CACTIN: variants seen among roughly 807,000 people sequenced by gnomAD.
CACTIN encodes the protein splicing factor Cactin.
CACTIN carries 20 observed loss-of-function variants against 84.9 expected under a neutral mutation model. That is an observed-to-expected ratio of 0.24 (90% CI 0.17 to 0.34). The LOEUF (loss-of-function observed/expected upper bound fraction) is 0.34. Ranked by LOEUF, CACTIN falls within the 10% of genes least tolerant of loss-of-function variation. The pLI, the probability that CACTIN is intolerant of heterozygous loss-of-function variation, is 1.00. For missense variants in CACTIN, 897 were observed against 1,117.2 expected, an observed-to-expected ratio of 0.80 and a Z score of 2.81; for synonymous variants, 549 against 467.9, an observed-to-expected ratio of 1.17 and a Z score of -2.24.
chr19:3,612,732 G>C (rs1424429155), intron 9 of CACTIN: 1 of 695,804 alleles, frequency 1.4e-6, no homozygotes, highest in Non-Finnish European at 2.6e-6. Context: ...TGACCCCCGA[G>C]GGGGTCCTGG....
At position 3,619,121 on chromosome 19, in the gene CACTIN, G is replaced by T; in HGVS notation, c.1006C>A (p.Leu336Ile). The T allele has an allele frequency of 6.3e-7, 1 of 1,591,008 alleles. No individual in the cohort carries two copies. Among genetic ancestry groups the T allele is most frequent in the East Asian group, 2.3e-5 (1 of 43,486 alleles). ...MHEPYTFLNGLTVADMEDLLE... is the reference protein window; with the variant it reads ...MHEPYTFLNGITVADMEDLLE... ...AGGTCCTCCATGTCGGCCACGGTGA[G>T]GCCGTTGAGGAACGTGTAGGGCTCA... Residue 336 changes from leucine (L) to isoleucine (I), a missense_variant, in exon 5 of 10, where the codon CTC becomes ATC. Transcript: ENST00000429344.
rs1333018876 is a variant in CACTIN at position 3,611,130 on chromosome 19, C to T, written c.*793G>A. 2.6e-6 allele frequency: 1 copy of T among 381,336 alleles called. No homozygotes were observed. Among genetic ancestry groups the T allele is most frequent in the East Asian group, 7.2e-5 (1 of 13,802 alleles). 23.6% of individuals were successfully genotyped at this position (381,336 alleles called of 1,614,324 possible). The stretch of plus-strand genomic sequence containing the variant: ...CCCCCAGCCTTCGGGGAGCCCCTGC[C>T]CTCCAGGCCCTGTGCTCAGAGGTGG... On this transcript the variant is annotated 3_prime_UTR_variant, in exon 10 of 10. Transcript: ENST00000429344.
At position 3,613,089 on chromosome 19, in the gene CACTIN, C is replaced by T. The variant is rs2033007349; in HGVS notation, c.1755G>A (p.Leu585=). ...CCTGGAGCTGCTGGCGCGAGAGCTG[C>T]AGGCGCTGCAGGTCCTCATCCGGTT... is the stretch of plus-strand genomic sequence containing the variant. The part of the protein sequence containing the change: ...VLEPDEDLQR[L]QLSRQQLQVT... Residue 585 remains leucine (L), a synonymous_variant, in exon 9 of 10, where the codon CTG becomes CTA. Transcript: ENST00000429344. 2 of 1,588,152 alleles carry T rather than the reference C, an allele frequency of 1.3e-6. No homozygotes were observed.
rs1268779856 is a variant in CACTIN at position 3,611,180 on chromosome 19, G to A, written c.*743C>T. ...GGGGGAGGACGGCTCAGTGACTTTT[G>A]GTTCCCACGACCTTGACAGAGACAG... On this transcript the variant is annotated 3_prime_UTR_variant, in exon 10 of 10. Coordinates refer to ENST00000429344, the MANE Select transcript of CACTIN (RefSeq NM_001080543.2). The A allele has an allele frequency of 2.5e-6, 1 of 403,832 alleles. No homozygotes were observed. The highest frequency in any genetic ancestry group is 3.0e-5 in the Admixed American group (1 of 33,692). 25.0% of individuals were successfully genotyped at this position (403,832 alleles called of 1,614,324 possible). A position where few individuals can be genotyped will look rare whatever the true frequency, so the allele number is the denominator to read the frequency against.
At chr19:3,620,303 G>T (rs898177833) in intron 3 of CACTIN, 31 bp from the exon 4 acceptor site, 3 of 1,543,468 alleles carry the variant, frequency 1.9e-6, no homozygotes, top group South Asian at 1.2e-5. Context: ...GGGCAGCGGG[G>T]ACCGTGCGGT....
chr19:3,615,358 GTGC>G lies in CACTIN; in HGVS notation c.1163-772_1163-770del, dbSNP rs1295844788. 1.0e-4 allele frequency: 16 copies of G among 154,036 alleles called. No homozygotes were observed. The highest frequency in any genetic ancestry group is 3.9e-4 in the African/African-American group (16 of 41,550). The allele number at this position is 154,036 out of a possible 1,614,324, so 9.5% of individuals were successfully genotyped here. ...ACCACGTGGCATCCCGGCGGCCTCA[GTGC>G]TGCTCTCAGGCCACTTCCACCCACC... is the stretch of plus-strand genomic sequence containing the variant. On this transcript the variant is annotated intron_variant, in intron 6 of 9. Transcript: ENST00000429344. This position sits in a 1 kb window ranked among gnomAD's most constrained non-coding sequence, Gnocchi z 5.2.
At position 3,620,182 on chromosome 19, in the gene CACTIN, A is replaced by G; in HGVS notation, c.829T>C (p.Phe277Leu). The change falls in exon 4 of 10, where the codon TTC (phenylalanine) becomes CTC (leucine). Residue 277 changes from phenylalanine (F) to leucine (L), a missense_variant. Physicochemically the swap from Phe to Leu is conservative, Grantham distance 22. This residue lies in a region of CACTIN where 304 missense variants were observed against 444.3 expected (regional missense o/e 0.68). Coordinates refer to ENST00000429344, the MANE Select transcript of CACTIN (RefSeq NM_001080543.2). The part of the protein sequence containing the change: ...MLQREKEAEH[F>L]KTWEEQEDNF... ...TCCTCCTGCTCCTCCCATGTCTTGA[A>G]GTGCTCTGCCTCCTTCTCGCGCTGC... is the stretch of plus-strand genomic sequence containing the variant. 1 of 1,611,734 alleles carries G rather than the reference A, an allele frequency of 6.2e-7. No homozygotes were observed. The highest frequency in any genetic ancestry group is 8.5e-7 in the Non-Finnish European group (1 of 1,179,690).
intron 2 of CACTIN, among the ~76,000 whole-genome samples, chr19:3,623,211 G>T (rs549043677): frequency 6.6e-5 from 10 of 152,234 alleles, no homozygotes; most frequent in African/African-American, 2.4e-4. Context: ...CTCCAGCCTG[G>T]GTGACAGAGC....
chr19:3,623,677 G>A lies in CACTIN; in HGVS notation c.642+11C>T. ...CTACAGGGACAGAGGCCACCACCCG[G>A]CGGGGCCCACCTTATTCCAGATGAA... On this transcript the variant is annotated intron_variant, in intron 2 of 9. Coordinates refer to ENST00000429344, the MANE Select transcript of CACTIN (RefSeq NM_001080543.2). 3 of 1,587,342 alleles carry A rather than the reference G, an allele frequency of 1.9e-6. No homozygotes were observed. Among genetic ancestry groups the A allele is most frequent in the Non-Finnish European group, 2.6e-6 (3 of 1,164,318 alleles).
chr19:3,623,910 C>G lies in CACTIN; in HGVS notation c.420G>C (p.Leu140=). Reference sequence around the variant, plus strand: ...CCTCCCGCAGCCGCAGCCGCTCCTGCAGGCTCTGCTGCTGGCTCAGGGCAG... The same window carrying G: ...CCTCCCGCAGCCGCAGCCGCTCCTGGAGGCTCTGCTGCTGGCTCAGGGCAG... ...AAAALSQQQS[L]QERLRLREER... is the part of the protein sequence containing the mutation. Residue 140 remains leucine (L), a synonymous_variant, in exon 2 of 10, where the codon CTG becomes CTC. Transcript: ENST00000429344. 2 of 1,606,530 alleles carry G rather than the reference C, an allele frequency of 1.2e-6. No homozygotes were observed. Among genetic ancestry groups the G allele is most frequent in the South Asian group, 2.2e-5 (2 of 91,054 alleles).
chr19:3,623,591 C>G, intron 2 of CACTIN, 97 bp downstream of exon 2: 2 of 1,126,010 alleles, frequency 1.8e-6, no homozygotes, highest in East Asian at 5.2e-5. Flanking sequence ...CCAACTCTTG[C>G]ACGATCAAGG....
chr19:3,626,045 T>C (rs2033325488), intron 1 of CACTIN, among the ~76,000 whole-genome samples: 1 of 152,178 alleles, frequency 6.6e-6, no homozygotes, highest in African/African-American at 2.4e-5. Flanking sequence ...TTGTCTCCTC[T>C]ACTTCCAGAA....
intron 8 of CACTIN, 26 bp from the exon 9 acceptor site, chr19:3,613,391 CG>C (rs1568291371): frequency 6.5e-7 from 1 of 1,532,700 alleles, no homozygotes. Context: ...GTTGGAGGCG[CG>C]GAGGCTGCCC....
In CACTIN at chr19:3,613,041, T is replaced by G; in HGVS notation, c.1786+17A>C. The G allele has an allele frequency of 6.8e-6, 7 of 1,027,130 alleles. No individual in the cohort carries two copies. The highest frequency in any genetic ancestry group is 3.4e-5 in the African/African-American group (2 of 58,004). The allele number at this position is 1,027,130 out of a possible 1,614,324, so 63.6% of individuals were successfully genotyped here. ...GCCCCACTGGCCCCACCCCCTGGCC[T>G]CCAGCCCCGCCCTTACCCGTGACCT... On this transcript the variant is annotated intron_variant, in intron 9 of 9. Transcript: ENST00000429344.
intron 6 of CACTIN, among the ~76,000 whole-genome samples, chr19:3,617,657 G>C (rs565163050): frequency 6.6e-6 from 1 of 152,282 alleles, no homozygotes; most frequent in Non-Finnish European, 1.5e-5. Flanking sequence ...CTAGGGCAAC[G>C]CTGGAAACGC....
At chr19:3,619,314 G>A in intron 4 of CACTIN, 72 bp from the exon 5 acceptor site, 4 of 1,542,328 alleles carry the variant, frequency 2.6e-6, no homozygotes, top group South Asian at 2.5e-5. Context: ...TGCCCTTGGG[G>A]TGACCACACC....
chr19:3,620,091 A>C, intron 4 of CACTIN, 36 bp downstream of exon 4: 1 of 1,604,512 alleles, frequency 6.2e-7, no homozygotes, highest in Non-Finnish European at 8.5e-7. Flanking sequence ...CCTGGCTCCA[A>C]GTCTGGGTCG....
Position 3,614,438 on chromosome 19 carries a change from C to A in CACTIN, c.1314G>T (p.Glu438Asp). 6.3e-7 allele frequency: 1 copy of A among 1,593,340 alleles called. No homozygotes were observed. Among genetic ancestry groups the A allele is most frequent in the South Asian group, 1.1e-5 (1 of 88,006 alleles). Reference protein sequence around the residue: ...GGPNLDMGYWESLLQQLRAHM... With the variant: ...GGPNLDMGYWDSLLQQLRAHM... ...GGGCACGAAGCTGCTGCAGGAGGCT[C>A]TCCCAGTAGCCCATGTCCAGGTTGG... Residue 438 changes from glutamate to aspartate, a missense_variant, in exon 7 of 10, where the codon GAG becomes GAT. This residue lies in a region of CACTIN where 304 missense variants were observed against 444.3 expected (regional missense o/e 0.68). Transcript: ENST00000429344.
chr19:3,611,757 T>G lies in CACTIN; in HGVS notation c.*166A>C. 1.0e-4 allele frequency: 89 copies of G among 871,468 alleles called. No individual in the cohort carries two copies. Among genetic ancestry groups the G allele is most frequent in the East Asian group, 1.7e-4 (6 of 36,310 alleles). 54.0% of individuals were successfully genotyped at this position (871,468 alleles called of 1,614,324 possible). A position where few individuals can be genotyped will look rare whatever the true frequency, so the allele number is the denominator to read the frequency against. ...TGGCAGGCTCAATGGTGACCCCCCT[T>G]TTATATAGGAGGAAACTGAGGCCTG... is the stretch of plus-strand genomic sequence containing the variant. On this transcript the variant is annotated 3_prime_UTR_variant, in exon 10 of 10. Coordinates refer to ENST00000429344, the MANE Select transcript of CACTIN (RefSeq NM_001080543.2).
Sources: allele counts gnomAD v4.1 joint callset (sites outside exome capture counted in the v4.1 genomes callset), GRCh38; gene constraint gnomAD v4.1.1; regional missense constraint gnomAD v4.1.1; non-coding constraint Gnocchi (gnomAD v3.1); transcripts MANE v1.5; gene names NCBI Gene and HGNC (gene_info 2026-07-23, HGNC 2026-07-21).